The following RBFOX1 variants were observed in gnomAD, a reference collection of about 807,000 sequenced individuals.
RBFOX1 encodes the protein RNA binding protein fox-1 homolog 1.
In RBFOX1, 8 loss-of-function variants were observed where a neutral mutation model predicts 57.7. The observed-to-expected ratio is 0.14, with a 90% CI of 0.08 to 0.25. The LOEUF (loss-of-function observed/expected upper bound fraction) is 0.25. Ranked by LOEUF, RBFOX1 falls within the 10% of genes least tolerant of loss-of-function variation. The probability of loss-of-function intolerance (pLI) is 1.00; values close to 1 mark genes in which losing one functional copy is unlikely to be tolerated. For synonymous variants in RBFOX1, 326 were observed against 222.4 expected, an observed-to-expected ratio of 1.47 and a Z score of -4.15; for missense variants, 611 against 548.5, an observed-to-expected ratio of 1.11 and a Z score of -1.14.
intron 2 of RBFOX1, among the ~76,000 whole-genome samples, chr16:6,393,567 C>T (rs1367327870): frequency 6.6e-6 from 1 of 152,182 alleles, no homozygotes; most frequent in African/African-American, 2.4e-5. Flanking sequence ...TGCCCTGCAC[C>T]CTTCTCAGTT....
chr16:6,016,393 C>G (rs2094993986), upstream of RBFOX1, among the ~76,000 whole-genome samples: 1 of 152,058 alleles, frequency 6.6e-6, no homozygotes, highest in African/African-American at 2.4e-5. Flanking sequence ...ACAACATATA[C>G]AAAAGATTGG....
intron 2 of RBFOX1, among the ~76,000 whole-genome samples, chr16:6,564,451 C>G (rs895622454): frequency 6.7e-6 from 1 of 148,752 alleles, no homozygotes; most frequent in Admixed American, 6.8e-5. Flanking sequence ...CAGAGTGAGA[C>G]TCTGTCTCAA....
chr16:6,000,148 A>G (rs978809475), intron 4 of RBFOX1, among the ~76,000 whole-genome samples: 9 of 152,080 alleles, frequency 5.9e-5, no homozygotes, highest in African/African-American at 2.2e-4. Context: ...CAGTGAGAGA[A>G]TTAACTCATC....
At chr16:5,894,333 A>G (rs2058110032) in intron 4 of RBFOX1, among the ~76,000 whole-genome samples, 2 of 152,148 alleles carry the variant, frequency 1.3e-5, no homozygotes, top group Non-Finnish European at 2.9e-5. Context: ...CCCAGGCTGG[A>G]GTGCAGTGGC....
At chr16:5,443,224 T>G (rs752606943) in intron 1 of RBFOX1, among the ~76,000 whole-genome samples, 1 of 152,080 alleles carries the variant, frequency 6.6e-6, no homozygotes, top group African/African-American at 2.4e-5. Context: ...ATTTTAGAGA[T>G]AGGAAAAACC....
At position 5,407,319 on chromosome 16, in the gene RBFOX1, A is replaced by C. The variant is rs562869413; in HGVS notation, c.220-59897A>C. Among the ~76,000 whole-genome samples, 9 of 152,270 alleles carry C rather than the reference A, an allele frequency of 5.9e-5. No homozygotes were observed. In the East Asian group the frequency reaches 1.5e-3, roughly 26 times the overall value. ...TTCAAGATGAGATTTGGGTGGGGAC[A>C]CAATGCCTAACTATATCAAGTGACA... is the stretch of plus-strand genomic sequence containing the variant. On this transcript the variant is annotated intron_variant, in intron 1 of 2. Coordinates refer to the RBFOX1 transcript ENST00000585867.
At chr16:6,473,674 C>T (rs2095227668) in intron 2 of RBFOX1, among the ~76,000 whole-genome samples, 1 of 151,968 alleles carries the variant, frequency 6.6e-6, no homozygotes, top group African/African-American at 2.4e-5. Flanking sequence ...AGTCAGACAT[C>T]CTCACTTGCA....
At chr16:5,463,268 T>A (rs1273596724) in intron 1 of RBFOX1, among the ~76,000 whole-genome samples, 1 of 152,102 alleles carries the variant, frequency 6.6e-6, no homozygotes, top group Non-Finnish European at 1.5e-5. Context: ...CACCTTACTT[T>A]TCTGGGATCA....
chr16:7,387,125 C>T (rs972281250), intron 4 of RBFOX1, among the ~76,000 whole-genome samples: 2 of 152,050 alleles, frequency 1.3e-5, no homozygotes, highest in South Asian at 4.1e-4. Context: ...TGGATATTAG[C>T]CCTTTGTCAG....
At chr16:5,890,100 C>G (rs573459623) in intron 4 of RBFOX1, among the ~76,000 whole-genome samples, 10 of 152,260 alleles carry the variant, frequency 6.6e-5, no homozygotes, top group African/African-American at 2.4e-4. Flanking sequence ...CTTGGGTAAA[C>G]TGTACTCTTT....
At chr16:5,908,866 T>G (rs1394471339) in intron 4 of RBFOX1, among the ~76,000 whole-genome samples, 1 of 151,918 alleles carries the variant, frequency 6.6e-6, no homozygotes, top group African/African-American at 2.4e-5. Context: ...GTGGGATTAG[T>G]GTCCTTATAG....
chr16:6,133,146 G>C (rs546857637), intron 1 of RBFOX1, among the ~76,000 whole-genome samples: 1 of 151,784 alleles, frequency 6.6e-6, no homozygotes, highest in African/African-American at 2.4e-5. Flanking sequence ...GAAAACTTCT[G>C]TGATGCTGGG....
intron 2 of RBFOX1, among the ~76,000 whole-genome samples, chr16:5,597,767 G>C (rs1029136224): frequency 1.3e-5 from 2 of 152,118 alleles, no homozygotes; most frequent in Non-Finnish European, 2.9e-5. Context: ...CTCCTGCGCT[G>C]TACCTCGTGG....
chr16:5,780,683 C>G (rs1157385642), intron 3 of RBFOX1, among the ~76,000 whole-genome samples: 1 of 152,172 alleles, frequency 6.6e-6, no homozygotes, highest in Non-Finnish European at 1.5e-5. Context: ...ATTCTCCAGT[C>G]TGACATATGC....
chr16:5,816,544 G>C (rs7187825), intron 3 of RBFOX1, among the ~76,000 whole-genome samples: 4,291 of 152,258 alleles, frequency 0.028, 186 homozygotes, highest in African/African-American at 0.096. Context: ...GATCATGCTT[G>C]TAATCCCAGT....
At chr16:6,778,401 T>C (rs1426695971) in intron 3 of RBFOX1, among the ~76,000 whole-genome samples, 2 of 152,124 alleles carry the variant, frequency 1.3e-5, no homozygotes, top group African/African-American at 4.8e-5. Context: ...TTTCTCCACA[T>C]TCCTGAATTG....
intron 1 of RBFOX1, among the ~76,000 whole-genome samples, chr16:5,290,022 A>G (rs747412379): frequency 2.0e-5 from 3 of 152,252 alleles, no homozygotes; most frequent in African/African-American, 2.4e-5. Context: ...TGACCATGCA[A>G]TGGAATATTA....
intron 3 of RBFOX1, among the ~76,000 whole-genome samples, chr16:5,753,240 T>C (rs1844346910): frequency 6.6e-6 from 1 of 151,996 alleles, no homozygotes; most frequent in Non-Finnish European, 1.5e-5. Context: ...TGTAGCTAAG[T>C]CCTCATAATG....
chr16:5,416,702 G>C (rs999046549), intron 1 of RBFOX1, among the ~76,000 whole-genome samples: 2 of 150,328 alleles, frequency 1.3e-5, no homozygotes, highest in East Asian at 3.9e-4. Context: ...TCCTCTGGTC[G>C]TCTTCAAGAT....
Sources: allele counts gnomAD v4.1 joint callset (sites outside exome capture counted in the v4.1 genomes callset), GRCh38; gene constraint gnomAD v4.1.1; transcripts MANE v1.5; gene names NCBI Gene and HGNC (gene_info 2026-07-23, HGNC 2026-07-21).